KIF19: variants seen among roughly 807,000 people sequenced by gnomAD.
KIF19 encodes the protein kinesin family member 19.
A neutral mutation model predicts 106.6 loss-of-function variants in KIF19; 98 were observed. The observed-to-expected ratio is 0.92, with a 90% CI of 0.78 to 1.09. The LOEUF (loss-of-function observed/expected upper bound fraction) is 1.09. Ranked by LOEUF, KIF19 falls within the 50% of genes least tolerant of loss-of-function variation. The pLI is 0.00. For synonymous variants in KIF19, 516 were observed against 584.2 expected, an observed-to-expected ratio of 0.88 and a Z score of 1.68; for missense variants, 1,373 against 1,414.3, an observed-to-expected ratio of 0.97 and a Z score of 0.47.
chr17:74,354,458 C>T lies in KIF19; in HGVS notation c.2605C>T (p.Leu869=). 6.2e-7 allele frequency: 1 copy of T among 1,609,894 alleles called. No individual in the cohort carries two copies. Among genetic ancestry groups the T allele is most frequent in the East Asian group, 2.2e-5 (1 of 44,748 alleles). ...TCATGGGGACGGCCCCAGGCCCTGGCTGCGTGGCCAGAAGAAAAGCCTGGG... is the reference window on the plus strand; with the variant it reads ...TCATGGGGACGGCCCCAGGCCCTGGTTGCGTGGCCAGAAGAAAAGCCTGGG... ...GHHGDGPRPW[L]RGQKKSLGKK... Residue 869 remains leucine (L), a synonymous_variant, in exon 18 of 20, where the codon CTG becomes TTG. Transcript: ENST00000389916.
intron 19 of KIF19, 27 bp downstream of exon 19, chr17:74,354,968 G>T: frequency 6.4e-7 from 1 of 1,573,442 alleles, no homozygotes; most frequent in South Asian, 1.2e-5. Context: ...AGGGGATGGG[G>T]AGGGGAGGCC....
In KIF19 at chr17:74,344,867, A is replaced by G. The variant is rs770638270; in HGVS notation, c.689A>G (p.Gln230Arg). Residue 230 changes from glutamine (Q) to arginine (R), a missense_variant, in exon 7 of 20, where the codon CAG (glutamine) becomes CGG (arginine). This residue lies in a region of KIF19 where 348 missense variants were observed against 389.5 expected (regional missense o/e 0.89). Coordinates refer to ENST00000389916, the MANE Select transcript of KIF19 (RefSeq NM_153209.4). ...SHAVLQVTVRQRSRVKNILQE... is the reference protein window; with the variant it reads ...SHAVLQVTVRRRSRVKNILQE... Reference sequence around the variant, plus strand: ...GCGGTACTGCAGGTGACCGTGCGCCAGCGCAGCCGGGTCAAGAACATCTTG... The same window carrying G: ...GCGGTACTGCAGGTGACCGTGCGCCGGCGCAGCCGGGTCAAGAACATCTTG... 2.5e-6 allele frequency: 4 copies of G among 1,612,686 alleles called. No homozygotes were observed. In the East Asian group the frequency reaches 6.7e-5, roughly 27 times the overall value.
In KIF19 at chr17:74,354,208, C is replaced by A. The variant is rs747299635; in HGVS notation, c.2355C>A (p.Ala785=). The stretch of plus-strand genomic sequence containing the variant: ...GCACCAAGTGCATCTGGGTGAAGGC[C>A]GCCCGGCGGCGCTCGCGGGCCCTGG... ...LTGTKCIWVK[A]ARRRSRALGT... is the part of the protein sequence containing the mutation. The change falls in exon 18 of 20, where the codon GCC becomes GCA. Residue 785 remains alanine, a synonymous_variant. Transcript: ENST00000389916. The A allele has an allele frequency of 5.0e-6, 8 of 1,609,170 alleles. No homozygotes were observed. Among genetic ancestry groups the A allele is most frequent in the Non-Finnish European group, 5.1e-6 (6 of 1,179,386 alleles).
intron 18 of KIF19, 22 bp downstream of exon 18, chr17:74,354,581 G>C: frequency 6.3e-7 from 1 of 1,575,474 alleles, no homozygotes; most frequent in Non-Finnish European, 8.6e-7. Flanking sequence ...CGCAGGGGTG[G>C]GTGTCTAGGC....
At chr17:74,353,462 G>C in intron 16 of KIF19, 32 bp from the exon 17 acceptor site, 2 of 1,600,588 alleles carry the variant, frequency 1.2e-6, no homozygotes, top group Non-Finnish European at 1.7e-6. Flanking sequence ...TGTGTTTAAG[G>C]GTTTCCTCCT....
chr17:74,326,703 A>AG (rs1451903973), intron 1 of KIF19, among the ~76,000 whole-genome samples: 1 of 151,862 alleles, frequency 6.6e-6, no homozygotes, highest in African/African-American at 2.4e-5. Flanking sequence ...CAGAAACGCC[A>AG]GGGGCAGGGA....
Position 74,331,316 on chromosome 17 carries a change from G to A in KIF19, c.120+2811G>A, listed in dbSNP as rs552376902. Among the ~76,000 whole-genome samples, 1 of 152,302 alleles carries A rather than the reference G, an allele frequency of 6.6e-6. No individual in the cohort carries two copies. Among genetic ancestry groups the A allele is most frequent in the African/African-American group, 2.4e-5 (1 of 41,554 alleles). On this transcript the variant is annotated intron_variant, in intron 2 of 19. Coordinates refer to ENST00000389916, the MANE Select transcript of KIF19 (RefSeq NM_153209.4). The surrounding 1 kb of genome is among the most constrained non-coding windows in gnomAD (Gnocchi z 4.1). ...CTGGAGGCACCATGGACAGGTGGGT[G>A]TATTTGGGAGCTGAGCCAGGACATG...
chr17:74,326,858 C>T (rs1163261588), intron 1 of KIF19, among the ~76,000 whole-genome samples: 1 of 152,024 alleles, frequency 6.6e-6, no homozygotes, highest in Admixed American at 6.5e-5. Flanking sequence ...GGATGGGGCC[C>T]GGAGTGCCTG....
At chr17:74,345,473 G>T (rs570033929) in intron 7 of KIF19, among the ~76,000 whole-genome samples, 1 of 152,224 alleles carries the variant, frequency 6.6e-6, no homozygotes, top group South Asian at 2.1e-4. Flanking sequence ...CAGCATCTTT[G>T]TCCCCTCTCA....
In KIF19 at chr17:74,350,889, A is replaced by C; in HGVS notation, c.1571A>C (p.Gln524Pro). Residue 524 changes from glutamine (Q) to proline (P), a missense_variant, in exon 12 of 20, where the codon CAA (glutamine) becomes CCA (proline). Gln to Pro is a moderately conservative substitution (Grantham distance 76). Coordinates refer to ENST00000389916, the MANE Select transcript of KIF19 (RefSeq NM_153209.4). The part of the protein sequence containing the change: ...SIAALVDEQK[Q>P]LRKQKLALEQ... ...GCAGCCCTGGTGGACGAGCAGAAGC[A>C]ACTGCGCAAGCAGAAGGTGTCCAGG... The C allele has an allele frequency of 8.1e-6, 13 of 1,613,810 alleles. No individual in the cohort carries two copies. Among genetic ancestry groups the C allele is most frequent in the Non-Finnish European group, 1.1e-5 (13 of 1,179,898 alleles).
In KIF19 at chr17:74,355,376, G is replaced by A; in HGVS notation, c.*64G>A. 1 of 1,489,632 alleles carries A rather than the reference G, an allele frequency of 6.7e-7. No individual in the cohort carries two copies. Among genetic ancestry groups the A allele is most frequent in the Non-Finnish European group, 8.9e-7 (1 of 1,118,136 alleles). 92.3% of individuals were successfully genotyped at this position (1,489,632 alleles called of 1,614,324 possible). A position where few individuals can be genotyped will look rare whatever the true frequency, so the allele number is the denominator to read the frequency against. ...CTGAATGGGGTCTAGCAGGGCATGG[G>A]AGGTGGAGGCTGGGCAGATGGAGAT... is the stretch of plus-strand genomic sequence containing the variant. On this transcript the variant is annotated 3_prime_UTR_variant, in exon 20 of 20. Coordinates refer to ENST00000389916, the MANE Select transcript of KIF19 (RefSeq NM_153209.4).
At chr17:74,334,506 C>A (rs2054175494) in intron 2 of KIF19, among the ~76,000 whole-genome samples, 2 of 152,152 alleles carry the variant, frequency 1.3e-5, no homozygotes, top group Admixed American at 1.3e-4. Flanking sequence ...AATCGTATAG[C>A]CAGGCAGGAA....
intron 3 of KIF19, 69 bp downstream of exon 3, chr17:74,342,055 C>A (rs1187358052): frequency 4.4e-6 from 5 of 1,130,522 alleles, no homozygotes; most frequent in Non-Finnish European, 5.3e-6. Context: ...TCAGGAGGGG[C>A]CCTCCAGGGC....
intron 2 of KIF19, among the ~76,000 whole-genome samples, chr17:74,332,461 C>T (rs550674590): frequency 9.9e-4 from 151 of 152,232 alleles, no homozygotes; most frequent in Non-Finnish European, 1.7e-3. Flanking sequence ...CTCCTCCAAT[C>T]CCCCATCCCT....
chr17:74,347,753 T>C, intron 8 of KIF19, 24 bp from the exon 9 acceptor site: 1 of 1,584,364 alleles, frequency 6.3e-7, no homozygotes, highest in Non-Finnish European at 8.6e-7. Flanking sequence ...CAGTCCCCAC[T>C]GACCACAGCC....
Position 74,350,783 on chromosome 17 carries a change from A to G in KIF19, c.1465A>G (p.Ser489Gly). 1 of 1,614,058 alleles carries G rather than the reference A, an allele frequency of 6.2e-7. No homozygotes were observed. The highest frequency in any genetic ancestry group is 1.3e-5 in the African/African-American group (1 of 75,072). ...AAAGGAGTGCTACGCTAAGGACGACAGCGAGAAGGACTCAGACACAGGTGA... is the reference window on the plus strand; with the variant it reads ...AAAGGAGTGCTACGCTAAGGACGACGGCGAGAAGGACTCAGACACAGGTGA... ...QRKECYAKDD[S>G]EKDSDTGDDQ... is the part of the protein sequence containing the mutation. Residue 489 changes from serine (S) to glycine (G), a missense_variant, in exon 12 of 20, where the codon AGC (serine) becomes GGC (glycine). Coordinates refer to ENST00000389916, the MANE Select transcript of KIF19 (RefSeq NM_153209.4).
rs1567927330 is a variant in KIF19 at position 74,355,183 on chromosome 17, C to T, written c.2868C>T (p.Gly956=). The T allele has an allele frequency of 1.3e-6, 2 of 1,596,794 alleles. No individual in the cohort carries two copies. The highest frequency in any genetic ancestry group is 1.7e-6 in the Non-Finnish European group (2 of 1,170,258). Residue 956 remains glycine, a splice_region_variant and synonymous_variant, in exon 20 of 20, where the codon GGC becomes GGT. Coordinates refer to ENST00000389916, the MANE Select transcript of KIF19 (RefSeq NM_153209.4). ...ATCCTGCCCCTTTCCCTGTTGCAGGCCCGGGGGACTCCTCACCCCTGGCTG... is the reference window on the plus strand; with the variant it reads ...ATCCTGCCCCTTTCCCTGTTGCAGGTCCGGGGGACTCCTCACCCCTGGCTG... The part of the protein sequence containing the change: ...KVKLPPSQNT[G]PGDSSPLAVP...
chr17:74,343,571 C>T (rs182451297), intron 5 of KIF19, among the ~76,000 whole-genome samples: 7 of 152,232 alleles, frequency 4.6e-5, no homozygotes, highest in African/African-American at 1.4e-4. Flanking sequence ...TCCTGGTGCC[C>T]ACCCCATGGG....
At chr17:74,354,715 TG>T in intron 18 of KIF19, 66 bp from the exon 19 acceptor site, 2 of 1,530,116 alleles carry the variant, frequency 1.3e-6, no homozygotes, top group Non-Finnish European at 1.8e-6. Context: ...GCATAGTAGC[TG>T]GGACAGATCC....
Sources: allele counts gnomAD v4.1 joint callset (sites outside exome capture counted in the v4.1 genomes callset), GRCh38; gene constraint gnomAD v4.1.1; regional missense constraint gnomAD v4.1.1; non-coding constraint Gnocchi (gnomAD v3.1); transcripts MANE v1.5; gene names NCBI Gene and HGNC (gene_info 2026-07-23, HGNC 2026-07-21).